The following RAG1 variants were observed in gnomAD, a reference collection of about 807,000 sequenced individuals.
RAG1 encodes V(D)J recombination-activating protein 1.
Under a neutral mutation model 62.7 loss-of-function variants are expected in RAG1, and 35 were observed. The ratio of observed to expected loss-of-function variants is 0.56; its 90% CI spans 0.43 to 0.74. The LOEUF (loss-of-function observed/expected upper bound fraction) is 0.74, where lower values mean the gene tolerates loss of function less well. Ranked by LOEUF, RAG1 falls within the 30% of genes least tolerant of loss-of-function variation. The pLI is 0.00. For synonymous variants in RAG1, 461 were observed against 470.3 expected, an observed-to-expected ratio of 0.98 and a Z score of 0.26; for missense variants, 1,169 against 1,278.6, an observed-to-expected ratio of 0.91 and a Z score of 1.31.
At chr11:36,566,290 G>A (rs886582698), upstream of RAG1, among the ~76,000 whole-genome samples, 5 of 152,104 alleles carry the variant, frequency 3.3e-5, no homozygotes. Context: ...GTAGACTCTC[G>A]GTGCTAAACC....
At chr11:36,527,966 T>A (rs1564976889) in intron 2 of RAG1, among the ~76,000 whole-genome samples, 1 of 152,082 alleles carries the variant, frequency 6.6e-6, no homozygotes, top group Non-Finnish European at 1.5e-5. Flanking sequence ...CTTAAGGAGA[T>A]TTTGGACTGA....
At chr11:36,529,352 T>A (rs569489192) in intron 2 of RAG1, among the ~76,000 whole-genome samples, 2 of 152,278 alleles carry the variant, frequency 1.3e-5, no homozygotes, top group African/African-American at 4.8e-5. Flanking sequence ...CGCAAATCAA[T>A]AAACGTAATC....
intron 1 of RAG1, among the ~76,000 whole-genome samples, chr11:36,516,604 G>C (rs1219599276): frequency 6.6e-6 from 1 of 152,254 alleles, no homozygotes; most frequent in Non-Finnish European, 1.5e-5. Context: ...TTACTGGCGT[G>C]AGCCACCGCG....
At chr11:36,532,696 G>T (rs1033634145) in intron 2 of RAG1, among the ~76,000 whole-genome samples, 2 of 152,080 alleles carry the variant, frequency 1.3e-5, no homozygotes, top group Non-Finnish European at 2.9e-5. Flanking sequence ...CAGCTTATTT[G>T]CTGCTGTATA....
chr11:36,567,188 C>A (rs1240557239), upstream of RAG1, among the ~76,000 whole-genome samples: 2 of 152,174 alleles, frequency 1.3e-5, no homozygotes, highest in Non-Finnish European at 2.9e-5. Flanking sequence ...TAAGTAGTGG[C>A]TGTGTGACCA....
rs1850880764 is a variant in RAG1, at chr11:36,578,189, A to T, written c.*1753A>T. 6.0e-6 allele frequency: 1 copy of T among 167,098 alleles called. No homozygotes were observed. Among genetic ancestry groups the T allele is most frequent in the South Asian group, 2.1e-4 (1 of 4,828 alleles). 10.4% of individuals were successfully genotyped at this position (167,098 alleles called of 1,614,324 possible). ...AGAGCTTGATAATTTAGTTGTCAAA[A>T]GTGCATCGGCGACATTATCTTTAAT... On this transcript the variant is annotated 3_prime_UTR_variant, in exon 2 of 2. Coordinates refer to ENST00000299440, the MANE Select transcript of RAG1 (RefSeq NM_000448.3).
intron 1 of RAG1, among the ~76,000 whole-genome samples, chr11:36,518,942 G>A (rs572611877): frequency 6.6e-6 from 1 of 152,246 alleles, no homozygotes; most frequent in South Asian, 2.1e-4. Flanking sequence ...AATGGTATGA[G>A]TGTTCGCTTT....
chr11:36,573,803 G>A lies in RAG1; in HGVS notation c.499G>A (p.Val167Ile). The A allele has an allele frequency of 6.2e-7, 1 of 1,614,124 alleles. No homozygotes were observed. Among genetic ancestry groups the A allele is most frequent in the Non-Finnish European group, 8.5e-7 (1 of 1,180,032 alleles). ...KVFRIDVKAD[V>I]DSIHPTEFCH... ...TTTCCGGATCGATGTGAAGGCAGAT[G>A]TTGACTCGATCCACCCCACTGAGTT... is the stretch of plus-strand genomic sequence containing the variant. Residue 167 changes from valine to isoleucine, a missense_variant, in exon 2 of 2, where the codon GTT (valine) becomes ATT (isoleucine). Transcript: ENST00000299440.
chr11:36,541,875 A>G (rs1404169380), intron 3 of RAG1, among the ~76,000 whole-genome samples: 1 of 152,088 alleles, frequency 6.6e-6, no homozygotes, highest in African/African-American at 2.4e-5. Context: ...ATGCAGCAAG[A>G]CGACCCTAAA....
At chr11:36,537,652 G>C (rs1270912252), downstream of RAG1, among the ~76,000 whole-genome samples, 1 of 152,030 alleles carries the variant, frequency 6.6e-6, no homozygotes, top group Non-Finnish European at 1.5e-5. Context: ...CTTATGCCTT[G>C]AGGAGATTTC....
chr11:36,573,096 T>A (rs1850772919), intron 1 of RAG1, among the ~76,000 whole-genome samples, 195 bp from the exon 2 acceptor site: 1 of 152,200 alleles, frequency 6.6e-6, no homozygotes, highest in Non-Finnish European at 1.5e-5. Context: ...CAGGTATAAG[T>A]AACCATAAAC....
At chr11:36,522,443 GA>G (rs1860094867) in intron 2 of RAG1, among the ~76,000 whole-genome samples, 1 of 152,238 alleles carries the variant, frequency 6.6e-6, no homozygotes, top group Non-Finnish European at 1.5e-5. Flanking sequence ...ATTGTGGTTG[GA>G]GAACCTCTGC....
chr11:36,574,174 C>T lies in RAG1; in HGVS notation c.870C>T (p.Ser290=), dbSNP rs976272327. 1.2e-6 allele frequency: 2 copies of T among 1,614,194 alleles called. No individual in the cohort carries two copies. The highest frequency in any genetic ancestry group is 1.6e-4 in the Middle Eastern group (1 of 6,062). The change falls in exon 2 of 2, where the codon TCC becomes TCT. Residue 290 remains serine (S), a synonymous_variant. Coordinates refer to ENST00000299440, the MANE Select transcript of RAG1 (RefSeq NM_000448.3). ...AVDFPEHFVK[S]ISCQICEHIL... ...ACTTCCCAGAGCACTTTGTGAAATC[C>T]ATCTCCTGCCAGATCTGTGAACACA...
At chr11:36,533,171 G>A (rs375570187) in intron 2 of RAG1, among the ~76,000 whole-genome samples, 1 of 152,112 alleles carries the variant, frequency 6.6e-6, no homozygotes, top group African/African-American at 2.4e-5. Flanking sequence ...CCTTCAACAC[G>A]TAGGCCCAGC....
chr11:36,568,819 G>C (rs1379515714), intron 1 of RAG1, among the ~76,000 whole-genome samples: 1 of 152,152 alleles, frequency 6.6e-6, no homozygotes, highest in Non-Finnish European at 1.5e-5. Flanking sequence ...TTCTGAAGTG[G>C]TTCATGCAAG....
Position 36,575,875 on chromosome 11 carries a change from C to T in RAG1, c.2571C>T (p.Ala857=), listed in dbSNP as rs141560248. The T allele has an allele frequency of 3.4e-3, 5,441 of 1,614,172 alleles. 16 individuals are homozygous for T. The highest frequency in any genetic ancestry group is 3.9e-3 in the Non-Finnish European group (4,632 of 1,180,042). ...KPIMRMNGNF[A]RKLMTKETVD... is the part of the protein sequence containing the mutation. The stretch of plus-strand genomic sequence containing the variant: ...TCATGAGGATGAATGGCAACTTTGC[C>T]AGGAAGCTCATGACCAAAGAGACTG... Residue 857 remains alanine, a synonymous_variant, in exon 2 of 2, where the codon GCC becomes GCT. Transcript: ENST00000299440. This position sits in a 1 kb window ranked among gnomAD's most constrained non-coding sequence, Gnocchi z 4.1.
chr11:36,576,458 T>C lies in RAG1; in HGVS notation c.*22T>C. ...TTAAGTAGGGCAACCACTTATGAGT[T>C]GGTTTTTGCAATTGAGTTTCCCTCT... On this transcript the variant is annotated 3_prime_UTR_variant, in exon 2 of 2. Coordinates refer to ENST00000299440, the MANE Select transcript of RAG1 (RefSeq NM_000448.3). The C allele has an allele frequency of 1.2e-6, 2 of 1,613,570 alleles. No individual in the cohort carries two copies. The highest frequency in any genetic ancestry group is 1.7e-6 in the Non-Finnish European group (2 of 1,179,854).
At chr11:36,538,992 C>T (rs1170173527), downstream of RAG1, among the ~76,000 whole-genome samples, 2 of 152,070 alleles carry the variant, frequency 1.3e-5, no homozygotes, top group Non-Finnish European at 2.9e-5. Flanking sequence ...GTTTTTCTTC[C>T]AGGCAATTTT....
intron 1 of RAG1, among the ~76,000 whole-genome samples, chr11:36,519,549 C>A (rs1590660842): frequency 6.6e-6 from 1 of 152,176 alleles, no homozygotes; most frequent in Non-Finnish European, 1.5e-5. Flanking sequence ...ATTTCTTCTA[C>A]CTTTGCATTT....
Sources: gnomAD v4.1 joint callset for allele counts (sites outside exome capture counted in the v4.1 genomes callset) on GRCh38, gnomAD v4.1.1 for gene constraint, Gnocchi (gnomAD v3.1) non-coding constraint, MANE v1.5 for transcripts, NCBI Gene and HGNC (gene_info 2026-07-23, HGNC 2026-07-21) for gene names.